Variants in DNAH7 observed in about 807,000 individuals in gnomAD.
DNAH7 encodes axonemal beta dynein heavy chain 7.
Under a neutral mutation model 444.6 loss-of-function variants are expected in DNAH7, and 397 were observed. The ratio of observed to expected loss-of-function variants is 0.89; its 90% CI spans 0.82 to 0.97. The LOEUF is 0.97. Among genes scored for constraint, DNAH7 ranks in the 50% least tolerant of loss-of-function variants. DNAH7 has a pLI of 0.00. For synonymous variants in DNAH7, 1,636 were observed against 1,624.4 expected (o/e 1.01, Z -0.17); for missense variants, 4,902 against 4,800.8 (o/e 1.02, Z -0.62).
chr2:195,905,287 C>G (rs548701036), intron 27 of DNAH7: 13 of 152,238 alleles, frequency 8.5e-5, no homozygotes, highest in South Asian at 2.1e-4. Context: ...GCAACAACAA[C>G]AAGAAAGGCT....
intron 17 of DNAH7, among the ~76,000 whole-genome samples, chr2:195,967,099 T>G (rs1169125169): frequency 6.6e-6 from 1 of 152,124 alleles, no homozygotes; most frequent in Middle Eastern, 3.2e-3. Flanking sequence ...AATTTCTTAC[T>G]TTTCATTTTT....
intron 55 of DNAH7, among the ~76,000 whole-genome samples, chr2:195,798,910 C>T (rs1032710109): frequency 1.3e-5 from 2 of 151,914 alleles, no homozygotes; most frequent in Non-Finnish European, 2.9e-5. Flanking sequence ...CAATGAAGGC[C>T]CCCCGTTAGA....
intron 54 of DNAH7, among the ~76,000 whole-genome samples, chr2:195,802,811 T>C (rs1361114463): frequency 6.6e-6 from 1 of 152,172 alleles, no homozygotes; most frequent in Non-Finnish European, 1.5e-5. Context: ...ACCCAGATAA[T>C]GTACATTGTA....
chr2:195,993,131 G>A (rs1367057530), intron 12 of DNAH7, among the ~76,000 whole-genome samples: 1 of 152,152 alleles, frequency 6.6e-6, no homozygotes, highest in Non-Finnish European at 1.5e-5. Flanking sequence ...AGGGATCCAT[G>A]CCTGCTGCTC....
At chr2:195,832,334 C>T (rs1413276721) in intron 48 of DNAH7, among the ~76,000 whole-genome samples, 1 of 152,070 alleles carries the variant, frequency 6.6e-6, no homozygotes, top group African/African-American at 2.4e-5. Flanking sequence ...GCTCAATTAT[C>T]ATTTAATTGT....
Position 195,864,579 on chromosome 2 carries a change from T to C in DNAH7, c.7076A>G (p.Asp2359Gly), listed in dbSNP as rs1700208242. 2 of 1,613,916 alleles carry C rather than the reference T, an allele frequency of 1.2e-6. No individual in the cohort carries two copies. Among genetic ancestry groups the C allele is most frequent in the African/African-American group, 2.7e-5 (2 of 74,906 alleles). ...SVTRLAAHMA[D>G]YSVFQVEISK... Reference sequence around the variant, plus strand: ...GATTTCAACTTGGAAAACTGAATAATCAGCCATGTGGGCAGCTAATCTGGT... The same window carrying C: ...GATTTCAACTTGGAAAACTGAATAACCAGCCATGTGGGCAGCTAATCTGGT... Residue 2359 changes from aspartate (D) to glycine (G), a missense_variant, in exon 41 of 65, where the codon GAT (aspartate) becomes GGT (glycine). Physicochemically the swap from Asp to Gly is moderately conservative, Grantham distance 94. Coordinates refer to ENST00000312428, the MANE Select transcript of DNAH7 (RefSeq NM_018897.3).
chr2:195,928,277 T>G (rs1688470038), intron 21 of DNAH7, among the ~76,000 whole-genome samples: 1 of 152,164 alleles, frequency 6.6e-6, no homozygotes, highest in African/African-American at 2.4e-5. Context: ...TGCCTGCATA[T>G]CCTATACAAC....
chr2:195,899,213 A>G (rs1686541264), intron 28 of DNAH7, among the ~76,000 whole-genome samples: 1 of 152,116 alleles, frequency 6.6e-6, no homozygotes, highest in South Asian at 2.1e-4. Flanking sequence ...AGAGGCTGTT[A>G]TTTTAAAGCA....
chr2:196,026,149 G>A (rs1038138065), intron 7 of DNAH7, among the ~76,000 whole-genome samples: 2 of 152,178 alleles, frequency 1.3e-5, no homozygotes, highest in Non-Finnish European at 2.9e-5. Flanking sequence ...TTTTGCTCTT[G>A]TAGCTCAAAA....
At chr2:195,758,905 T>C (rs1225469678) in intron 61 of DNAH7, among the ~76,000 whole-genome samples, 1 of 152,198 alleles carries the variant, frequency 6.6e-6, no homozygotes, top group Non-Finnish European at 1.5e-5. Flanking sequence ...CAGCAAGCCT[T>C]GCCACCACCA....
intron 46 of DNAH7, among the ~76,000 whole-genome samples, chr2:195,848,828 C>T (rs1699175872): frequency 6.6e-6 from 1 of 152,174 alleles, no homozygotes; most frequent in East Asian, 1.9e-4. Context: ...TCTATTGTAA[C>T]CCGGGAGTGT....
rs745692237 is a variant in DNAH7 at position 195,861,817 on chromosome 2, T to C, written c.7636A>G (p.Lys2546Glu). The C allele has an allele frequency of 6.2e-7, 1 of 1,613,738 alleles. No homozygotes were observed. The highest frequency in any genetic ancestry group is 8.5e-7 in the Non-Finnish European group (1 of 1,179,668). ...SFHTSTIDLS[K>E]SFFVELQRYN... ...CTTTGAAGTTCAACAAAGAAAGATT[T>C]GGATAAATCTATAGTAGAAGTGTGG... The change falls in exon 42 of 65, where the codon AAA (lysine) becomes GAA (glutamate). Residue 2546 changes from lysine (K) to glutamate (E), a missense_variant. By Grantham distance (56) the Lys-to-Glu change is moderately conservative (BLOSUM62 1). Coordinates refer to ENST00000312428, the MANE Select transcript of DNAH7 (RefSeq NM_018897.3).
chr2:195,789,403 C>T (rs950831692), intron 57 of DNAH7, among the ~76,000 whole-genome samples: 1 of 152,010 alleles, frequency 6.6e-6, no homozygotes, highest in Non-Finnish European at 1.5e-5. Context: ...TGCCAAGTGT[C>T]GAATGTGGAA....
chr2:195,952,085 T>A (rs1272425971), intron 19 of DNAH7, among the ~76,000 whole-genome samples: 1 of 152,222 alleles, frequency 6.6e-6, no homozygotes, highest in East Asian at 1.9e-4. Flanking sequence ...TTTCTTTCCA[T>A]GTTTAGTGCT....
At chr2:195,814,493 A>G (rs10497766) in intron 51 of DNAH7, among the ~76,000 whole-genome samples, 4,106 of 152,284 alleles carry the variant, frequency 0.027, 182 homozygotes, top group African/African-American at 0.093. Context: ...AGGACCCATC[A>G]TTATTTTCAA....
At chr2:195,781,976 T>TACACACACATACACAC (rs1695402822) in intron 58 of DNAH7, among the ~76,000 whole-genome samples, 1 of 129,754 alleles carries the variant, frequency 7.7e-6, no homozygotes, top group Non-Finnish European at 1.6e-5. Context: ...GTGGGTCTTA[T>TACACACACATACACAC]ACACACACAC....
Position 195,891,680 on chromosome 2 carries a change from C to T in DNAH7, c.5021G>A (p.Ser1674Asn). The T allele has an allele frequency of 3.1e-6, 5 of 1,592,656 alleles. No homozygotes were observed. The highest frequency in any genetic ancestry group is 4.3e-6 in the Non-Finnish European group (5 of 1,171,132). Residue 1674 changes from serine (S) to asparagine (N), a missense_variant, in exon 31 of 65, where the codon AGT becomes AAT. By Grantham distance (46) the Ser-to-Asn change is conservative (BLOSUM62 1). Transcript: ENST00000312428. ...HEWSDGVLAV[S>N]FRAFASSVTP... ...CACTGAAGAGGCAAATGCTCTAAAA[C>T]TGACAGCAAGGACCCCATCAGACCA... is the stretch of plus-strand genomic sequence containing the variant.
At chr2:195,894,904 T>C in intron 30 of DNAH7, 72 bp downstream of exon 30, 1 of 1,345,092 alleles carries the variant, frequency 7.4e-7, no homozygotes, top group Non-Finnish European at 9.8e-7. Flanking sequence ...AATGCATCTT[T>C]TAAAATAATG....
Position 195,799,392 on chromosome 2 carries a change from C to G in DNAH7, c.10257G>C (p.Lys3419Asn). Residue 3419 changes from lysine to asparagine, a missense_variant, in exon 55 of 65, where the codon AAG (lysine) becomes AAC (asparagine). By Grantham distance (94) the Lys-to-Asn change is moderately conservative. Transcript: ENST00000312428. ...CACAGCAGTTACTGTCTCCAAATGC[C>G]TTGGCTAAATCAAAGGGGGGTGGTT... ...FIEPPPFDLA[K>N]AFGDSNCCAP... The G allele has an allele frequency of 2.5e-6, 4 of 1,611,960 alleles. No homozygotes were observed. The South Asian group carries it at 4.4e-5, about 18-fold the overall frequency.
Sources: allele counts gnomAD v4.1 joint callset (sites outside exome capture counted in the v4.1 genomes callset), GRCh38; gene constraint gnomAD v4.1.1; transcripts MANE v1.5; gene names NCBI Gene and HGNC (gene_info 2026-07-23, HGNC 2026-07-21).